Variants in MAGI1 observed in about 807,000 individuals in gnomAD.
The protein encoded by MAGI1 is membrane-associated guanylate kinase, WW and PDZ domain-containing protein 1.
A neutral mutation model predicts 139.9 loss-of-function variants in MAGI1; 58 were observed. The observed-to-expected ratio is 0.41, with a 90% CI of 0.34 to 0.52. MAGI1 has a LOEUF of 0.52. Among genes scored for constraint, MAGI1 ranks in the 20% least tolerant of loss-of-function variants. MAGI1 has a pLI of 0.12. For synonymous variants in MAGI1, 812 were observed against 737.9 expected (o/e 1.10, Z -1.63); for missense variants, 1,874 against 1,901.6 (o/e 0.99, Z 0.27).
At chr3:65,440,569 A>T (rs1204980704) in intron 8 of MAGI1, among the ~76,000 whole-genome samples, 1 of 152,200 alleles carries the variant, frequency 6.6e-6, no homozygotes, top group Non-Finnish European at 1.5e-5. Flanking sequence ...AACTGTCTGC[A>T]GTAGGGTTCA....
At chr3:65,941,646 C>T (rs1367921110) in intron 1 of MAGI1, among the ~76,000 whole-genome samples, 1 of 151,922 alleles carries the variant, frequency 6.6e-6, no homozygotes, top group African/African-American at 2.4e-5. Flanking sequence ...ATTTGAACAC[C>T]ACTGAAATGA....
chr3:65,453,461 C>A, intron 5 of MAGI1, 121 bp from the exon 6 acceptor site: 1 of 723,812 alleles, frequency 1.4e-6, no homozygotes, highest in East Asian at 2.7e-5. Flanking sequence ...AGATGCTTTC[C>A]AACAGCAAAT....
At chr3:65,783,795 G>A (rs1379145054) in intron 1 of MAGI1, among the ~76,000 whole-genome samples, 2 of 94,616 alleles carry the variant, frequency 2.1e-5, no homozygotes, top group African/African-American at 7.7e-5. Flanking sequence ...ACCACACCCA[G>A]CCTGTACCAA....
At chr3:65,669,729 C>T (rs927583914) in intron 1 of MAGI1, among the ~76,000 whole-genome samples, 1 of 152,192 alleles carries the variant, frequency 6.6e-6, no homozygotes, top group African/African-American at 2.4e-5. Flanking sequence ...GAAAGCTCTG[C>T]TCTTGTCTGC....
intron 1 of MAGI1, among the ~76,000 whole-genome samples, chr3:66,034,674 C>T (rs989889915): frequency 6.6e-6 from 1 of 152,118 alleles, no homozygotes. Context: ...ATGGTAAATA[C>T]TCCAAATGTC....
At chr3:65,974,388 T>C (rs1438111502) in intron 1 of MAGI1, among the ~76,000 whole-genome samples, 4 of 135,264 alleles carry the variant, frequency 3.0e-5, no homozygotes, top group African/African-American at 5.7e-5. Context: ...GGCGGGTGGC[T>C]GGGTGGATGG....
intron 6 of MAGI1, among the ~76,000 whole-genome samples, chr3:65,452,238 C>G (rs747236518): frequency 1.3e-5 from 2 of 152,112 alleles, no homozygotes; most frequent in Non-Finnish European, 2.9e-5. Flanking sequence ...TAGTCTATGT[C>G]ATTTAACGTA....
intron 2 of MAGI1, among the ~76,000 whole-genome samples, chr3:65,563,211 A>T (rs1228510513): frequency 2.0e-5 from 3 of 152,226 alleles, no homozygotes. Flanking sequence ...TCATTGGTTT[A>T]TATAATATTT....
intron 1 of MAGI1, among the ~76,000 whole-genome samples, chr3:65,668,095 C>T (rs567564398): frequency 1.1e-3 from 168 of 152,308 alleles, no homozygotes; most frequent in Non-Finnish European, 1.8e-3. Context: ...AGGTTCTCAT[C>T]CTAACTCTGT....
intron 1 of MAGI1, among the ~76,000 whole-genome samples, chr3:65,771,994 A>T (rs916070014): frequency 2.6e-5 from 4 of 152,220 alleles, no homozygotes; most frequent in African/African-American, 9.6e-5. Context: ...CAAGGTCAGG[A>T]GTTCAAGACA....
chr3:65,957,350 C>CAAAA (rs1174740233), intron 1 of MAGI1, among the ~76,000 whole-genome samples: 1 of 91,476 alleles, frequency 1.1e-5, no homozygotes, highest in African/African-American at 4.2e-5. Context: ...CCTGTCTCTA[C>CAAAA]AAAAAAAAAA....
At chr3:65,972,845 G>A (rs866772490) in intron 1 of MAGI1, among the ~76,000 whole-genome samples, 2 of 152,190 alleles carry the variant, frequency 1.3e-5, no homozygotes, top group African/African-American at 4.8e-5. Context: ...GCTCAAATGA[G>A]TTCCAGCAAG....
intron 1 of MAGI1, among the ~76,000 whole-genome samples, chr3:65,704,017 T>C (rs973743586): frequency 2.6e-5 from 4 of 152,156 alleles, no homozygotes; most frequent in South Asian, 2.1e-4. Flanking sequence ...TTTTTATTGC[T>C]TACTTTGCGT....
At chr3:65,877,040 G>T (rs566560123) in intron 1 of MAGI1, among the ~76,000 whole-genome samples, 11 of 152,232 alleles carry the variant, frequency 7.2e-5, no homozygotes, top group Admixed American at 4.6e-4. Context: ...ACTGCGCCTG[G>T]CCTATGCTCT....
chr3:65,425,110 AAAAAAAAAAAAAAAAAAAAAAAC>A (rs61256552), intron 12 of MAGI1, among the ~76,000 whole-genome samples: 36,528 of 79,412 alleles, frequency 0.46, 5,100 homozygotes, highest in East Asian at 0.56. Context: ...AGAACTTCTA[AAAAAAAAAAAAAAAAAAAAAAAC>A]AAAAAAAAAC....
At position 65,602,585 on chromosome 3, in the gene MAGI1, C is replaced by G. The variant is rs2082533912; in HGVS notation, c.430+19387G>C. 2.6e-5 allele frequency among the ~76,000 whole-genome samples: 4 copies of G among 152,010 alleles called. No individual in the cohort carries two copies. In the South Asian group the frequency reaches 8.3e-4, roughly 32 times the overall value. On this transcript the variant is annotated intron_variant, in intron 2 of 22. Coordinates refer to ENST00000402939, the MANE Select transcript of MAGI1 (RefSeq NM_001033057.2). ...CTATTAATGCATATAGGGTTTCTTT[C>G]TCGGGGTGATAAAAACATTCTATAA...
intron 1 of MAGI1, among the ~76,000 whole-genome samples, chr3:65,982,274 G>GT (rs1406408329): frequency 1.3e-5 from 2 of 152,208 alleles, no homozygotes; most frequent in African/African-American, 4.8e-5. Flanking sequence ...CTGGCCTGGG[G>GT]TTTTAATTCC....
intron 5 of MAGI1, among the ~76,000 whole-genome samples, chr3:65,458,637 C>T (rs932167384): frequency 2.0e-4 from 30 of 152,086 alleles, no homozygotes; most frequent in Non-Finnish European, 1.0e-4. Flanking sequence ...CAGATCTTTC[C>T]CCCATTTTTC....
intron 2 of MAGI1, among the ~76,000 whole-genome samples, chr3:65,590,425 T>A (rs780176516): frequency 6.6e-6 from 1 of 152,246 alleles, no homozygotes; most frequent in Non-Finnish European, 1.5e-5. Flanking sequence ...TGACCTTGTA[T>A]AACTGTAAAG....
Sources: allele counts gnomAD v4.1 joint callset (sites outside exome capture counted in the v4.1 genomes callset), GRCh38; gene constraint gnomAD v4.1.1; transcripts MANE v1.5; gene names NCBI Gene and HGNC (gene_info 2026-07-23, HGNC 2026-07-21).